The following PCNT variants were observed in gnomAD, a reference collection of about 807,000 sequenced individuals.
PCNT encodes the protein pericentrin, also known as kendrin.
A neutral mutation model predicts 380.4 loss-of-function variants in PCNT; 319 were observed. The ratio of observed to expected loss-of-function variants is 0.84; its 90% CI spans 0.77 to 0.92. The LOEUF (loss-of-function observed/expected upper bound fraction) is 0.92. Among genes scored for constraint, PCNT ranks in the 40% least tolerant of loss-of-function variants. The pLI, the probability that PCNT is intolerant of heterozygous loss-of-function variation, is 0.00. For missense variants in PCNT, 4,400 were observed against 4,255.3 expected, an observed-to-expected ratio of 1.03 and a Z score of -0.95; for synonymous variants, 1,845 against 1,735.2, an observed-to-expected ratio of 1.06 and a Z score of -1.57.
intron 21 of PCNT, among the ~76,000 whole-genome samples, chr21:46,392,963 A>T (rs2086083066): frequency 6.6e-6 from 1 of 152,096 alleles, no homozygotes; most frequent in Non-Finnish European, 1.5e-5. Context: ...CTGTTTTTTA[A>T]AAGCCTGTCT....
chr21:46,444,337 G>C (rs897781287), intron 45 of PCNT, among the ~76,000 whole-genome samples: 2 of 152,198 alleles, frequency 1.3e-5, no homozygotes, highest in Non-Finnish European at 2.9e-5. Context: ...AGGAAGGACA[G>C]CTGAGGTGAG....
At position 46,385,800 on chromosome 21, in the gene PCNT, T is replaced by C. The variant is rs773300246; in HGVS notation, c.3313-32T>C. 3 of 1,613,366 alleles carry C rather than the reference T, an allele frequency of 1.9e-6. No individual in the cohort carries two copies. The Admixed American group carries it at 5.0e-5, about 27-fold the overall frequency. ...GCCATTTGCTTTTAACCAAATTGTT[T>C]TAACGAAAGCTTTAACCATTTTTCT... On this transcript the variant is annotated intron_variant, in intron 16 of 46. Coordinates refer to ENST00000359568, the MANE Select transcript of PCNT (RefSeq NM_006031.6).
chr21:46,355,310 A>T, intron 11 of PCNT, 142 bp from the exon 12 acceptor site: 1 of 875,778 alleles, frequency 1.1e-6, no homozygotes. Context: ...GGCGGGGTTC[A>T]CCAGGGCGCA....
At chr21:46,363,446 T>G in intron 13 of PCNT, 34 bp from the exon 14 acceptor site, 1 of 1,556,068 alleles carries the variant, frequency 6.4e-7, no homozygotes, top group Non-Finnish European at 8.9e-7. Flanking sequence ...TCCATTAGCG[T>G]CTTTCCTCCT....
rs547635394 is a variant in PCNT at position 46,433,037 on chromosome 21, C to T, written c.8751+822C>T. Among the ~76,000 whole-genome samples the T allele has an allele frequency of 1.7e-4, 26 of 151,056 alleles. No individual in the cohort carries two copies. In the South Asian group the frequency reaches 2.7e-3, roughly 16 times the overall value. ...TATTTTTTGAGATGGAGTCTCATTC[C>T]GTCACTCAGGCTGGAGTGCAGTGGC... On this transcript the variant is annotated intron_variant, in intron 38 of 46. Transcript: ENST00000359568.
chr21:46,343,722 G>T (rs191110376), intron 3 of PCNT, among the ~76,000 whole-genome samples: 1 of 152,282 alleles, frequency 6.6e-6, no homozygotes, highest in East Asian at 1.9e-4. Context: ...ATGTCTGATA[G>T]AATTCAGCTG....
intron 40 of PCNT, among the ~76,000 whole-genome samples, chr21:46,437,804 C>T (rs756590722): frequency 4.6e-5 from 7 of 152,206 alleles, no homozygotes; most frequent in Admixed American, 1.3e-4. Flanking sequence ...TTTCAGCGTG[C>T]CCACCCTCCA....
chr21:46,336,161 G>A (rs1218302110), intron 3 of PCNT, among the ~76,000 whole-genome samples: 1 of 152,138 alleles, frequency 6.6e-6, no homozygotes, highest in African/African-American at 2.4e-5. Flanking sequence ...ATTTTTAGTA[G>A]AGAAGGGGTT....
At chr21:46,440,288 C>T (rs1304504691) in intron 42 of PCNT, 86 bp downstream of exon 42, 5 of 1,456,042 alleles carry the variant, frequency 3.4e-6, no homozygotes, top group Non-Finnish European at 4.8e-6. Context: ...TTTGTGACCA[C>T]AAGGTTCTCG....
intron 27 of PCNT, among the ~76,000 whole-genome samples, chr21:46,408,591 C>G (rs576041200): frequency 6.6e-6 from 1 of 152,064 alleles, no homozygotes; most frequent in Admixed American, 6.5e-5. Flanking sequence ...TCTAGACATT[C>G]TGGTAGATAT....
chr21:46,408,606 T>C (rs899670064), intron 27 of PCNT, among the ~76,000 whole-genome samples: 38 of 152,158 alleles, frequency 2.5e-4, no homozygotes, highest in African/African-American at 9.2e-4. Context: ...AGATATGTAG[T>C]GGTATATCCT....
intron 8 of PCNT, 78 bp downstream of exon 8, chr21:46,349,898 A>G (rs574230472): frequency 2.5e-4 from 342 of 1,345,420 alleles, no homozygotes; most frequent in Non-Finnish European, 3.5e-4. Context: ...GCTATTTCGT[A>G]TTGTGTTATT....
intron 8 of PCNT, 52 bp from the exon 9 acceptor site, chr21:46,351,377 G>T: frequency 1.1e-6 from 1 of 936,728 alleles, no homozygotes; most frequent in Non-Finnish European, 1.8e-6. Context: ...CACTGCTGGG[G>T]TGGGGGCCTT....
intron 3 of PCNT, among the ~76,000 whole-genome samples, chr21:46,337,314 G>A (rs1220206750): frequency 6.6e-6 from 1 of 152,116 alleles, no homozygotes; most frequent in Non-Finnish European, 1.5e-5. Flanking sequence ...TCCTGTAAGT[G>A]TATAATAGTT....
At position 46,366,534 on chromosome 21, in the gene PCNT, T is replaced by A. The variant is rs9637173; in HGVS notation, c.2610-50T>A. 0.8 allele frequency: 1,217,380 copies of A among 1,512,548 alleles called. 492,809 individuals are homozygous for A. Among genetic ancestry groups the A allele is most frequent in the African/African-American group, 0.9 (65,820 of 73,102 alleles). 93.7% of individuals were successfully genotyped at this position (1,512,548 alleles called of 1,614,324 possible). A position where few individuals can be genotyped will look rare whatever the true frequency, so the allele number is the denominator to read the frequency against. ...ACTGACTTGGCTTTTGCAAGGGTCA[T>A]TGCTTCCTGATGCATGTTTAACTGT... is the stretch of plus-strand genomic sequence containing the variant. On this transcript the variant is annotated intron_variant, in intron 14 of 46. Transcript: ENST00000359568.
At chr21:46,414,418 C>CCCT (rs1024043087) in intron 29 of PCNT, among the ~76,000 whole-genome samples, 56 of 149,308 alleles carry the variant, frequency 3.8e-4, no homozygotes, top group Admixed American at 1.1e-3. Context: ...CATCTGTCCA[C>CCCT]CCTCCTCCTC....
chr21:46,347,561 C>T (rs1479886880), intron 6 of PCNT, 49 bp downstream of exon 6: 2 of 1,574,860 alleles, frequency 1.3e-6, no homozygotes, highest in East Asian at 2.2e-5. Context: ...TGTTGTTTTT[C>T]CTTTCTCGCC....
chr21:46,338,820 G>A (rs748535768), intron 3 of PCNT, among the ~76,000 whole-genome samples: 16 of 150,552 alleles, frequency 1.1e-4, no homozygotes, highest in Non-Finnish European at 2.2e-4. Flanking sequence ...TCTCTCACTC[G>A]CCCAGCCTAG....
chr21:46,371,860 C>T (rs1008692044), intron 15 of PCNT, among the ~76,000 whole-genome samples: 5 of 148,868 alleles, frequency 3.4e-5, no homozygotes, highest in African/African-American at 1.3e-4. Context: ...GTGCACACAG[C>T]ATGTGTGCAC....
Sources: gnomAD v4.1 joint callset for allele counts (sites outside exome capture counted in the v4.1 genomes callset) on GRCh38, gnomAD v4.1.1 for gene constraint, MANE v1.5 for transcripts, NCBI Gene and HGNC (gene_info 2026-07-23, HGNC 2026-07-21) for gene names.